The following TBC1D17 variants were observed in gnomAD, a reference collection of about 807,000 sequenced individuals.
TBC1D17 encodes the protein TBC1 domain family, member 17.
Under a neutral mutation model 78.8 loss-of-function variants are expected in TBC1D17, and 69 were observed. The observed-to-expected ratio is 0.88, with a 90% confidence interval of 0.72 to 1.07. The LOEUF (loss-of-function observed/expected upper bound fraction) is 1.07, where lower values mean the gene tolerates loss of function less well. Ranked by LOEUF, TBC1D17 falls within the 50% of genes least tolerant of loss-of-function variation. The pLI is 0.00. For synonymous variants in TBC1D17, 456 were observed against 358.3 expected, an observed-to-expected ratio of 1.27 and a Z score of -3.08; for missense variants, 957 against 861.0, an observed-to-expected ratio of 1.11 and a Z score of -1.39.
At chr19:49,887,428 C>T in intron 13 of TBC1D17, 48 bp from the exon 14 acceptor site, 1 of 1,575,832 alleles carries the variant, frequency 6.3e-7, no homozygotes, top group South Asian at 1.1e-5. Flanking sequence ...CTCAAACTCT[C>T]AGTCCCAGCG....
Position 49,888,588 on chromosome 19 carries a change from C to A in TBC1D17, c.1911C>A (p.Ile637=). The part of the protein sequence containing the change: ...TAPQPDSSLE[I]LPEEEDEGAD... ...CGCAGCCCGACAGCAGCCTGGAGAT[C>A]CTGCCCGAGGAGGAGGACGAGGGCG... The change falls in exon 17 of 17, where the codon ATC becomes ATA. Residue 637 remains isoleucine (I), a synonymous_variant. Transcript: ENST00000221543. The A allele has an allele frequency of 6.8e-7, 1 of 1,478,092 alleles. No individual in the cohort carries two copies. Among genetic ancestry groups the A allele is most frequent in the Non-Finnish European group, 9.0e-7 (1 of 1,108,216 alleles). 91.6% of individuals were successfully genotyped at this position (1,478,092 alleles called of 1,614,324 possible). A position where few individuals can be genotyped will look rare whatever the true frequency, so the allele number is the denominator to read the frequency against.
Position 49,882,893 on chromosome 19 carries a change from G to T in TBC1D17, c.927+1G>T, listed in dbSNP as rs200802990. 156 of 1,605,332 alleles carry T rather than the reference G, an allele frequency of 9.7e-5. No homozygotes were observed. Among genetic ancestry groups the T allele is most frequent in the Non-Finnish European group, 1.3e-4 (152 of 1,176,388 alleles). ...GCTGAAGAACCGGATCTTCTCGGGG[G>T]TGAGTGCCAGGACAGGTGGAAGAAT... On this transcript the variant is annotated splice_donor_variant, in intron 8 of 16. Coordinates refer to ENST00000221543, the MANE Select transcript of TBC1D17 (RefSeq NM_024682.3). LOFTEE classifies it high-confidence loss of function.
At chr19:49,884,125 C>T (rs1666745325) in intron 10 of TBC1D17, 128 bp from the exon 11 acceptor site, 4 of 822,440 alleles carry the variant, frequency 4.9e-6, no homozygotes, top group Admixed American at 2.1e-5. Flanking sequence ...AGCTCTGCTT[C>T]TCCCCCAGAG....
chr19:49,881,984 C>A, intron 5 of TBC1D17, 57 bp from the exon 6 acceptor site: 1 of 1,458,772 alleles, frequency 6.9e-7, no homozygotes, highest in Non-Finnish European at 9.6e-7. Context: ...GCACAGACAG[C>A]CTGGGACACT....
chr19:49,880,427 G>A (rs2075003237), intron 4 of TBC1D17, 25 bp downstream of exon 4: 1 of 1,611,630 alleles, frequency 6.2e-7, no homozygotes, highest in East Asian at 2.2e-5. Context: ...CGGCCCTTGA[G>A]AAGCACGTGT....
intron 12 of TBC1D17, 36 bp downstream of exon 12, chr19:49,884,595 C>A (rs777130292): frequency 6.2e-7 from 1 of 1,613,448 alleles, no homozygotes; most frequent in Non-Finnish European, 8.5e-7. Context: ...ACAGGCCTAT[C>A]GAGCGATCAG....
Position 49,881,362 on chromosome 19 carries a change from G to A in TBC1D17, c.414G>A (p.Trp138Ter). Residue 138 changes from tryptophan to a stop codon, truncating the protein, a stop_gained, in exon 5 of 17, where the codon TGG becomes TGA. Coordinates refer to ENST00000221543, the MANE Select transcript of TBC1D17 (RefSeq NM_024682.3). LOFTEE classifies it high-confidence loss of function. ...SIRRSKPGLS[W>*]AYLVLVTQAG... The stretch of plus-strand genomic sequence containing the variant: ...GCCGCTCCAAGCCAGGCCTCAGCTG[G>A]GCCTACCTGGTTCTGGTGACCCAGG... 1 of 1,613,348 alleles carries A rather than the reference G, an allele frequency of 6.2e-7. No individual in the cohort carries two copies. The highest frequency in any genetic ancestry group is 8.5e-7 in the Non-Finnish European group (1 of 1,180,002).
Position 49,880,379 on chromosome 19 carries a change from T to C in TBC1D17, c.296T>C (p.Leu99Pro), listed in dbSNP as rs3745486. ...GTCATCAGCACTGTGCGGCCACAGCTCTGCCACTCAGAGCCCACGAGAGGT... is the reference window on the plus strand; with the variant it reads ...GTCATCAGCACTGTGCGGCCACAGCCCTGCCACTCAGAGCCCACGAGAGGT... ...WAVISTVRPQ[L>P]CHSEPTRGAE... Residue 99 changes from leucine (L) to proline (P), a missense_variant, in exon 4 of 17, where the codon CTC becomes CCC. Physicochemically the swap from Leu to Pro is moderately conservative, Grantham distance 98 (BLOSUM62 -3). Transcript: ENST00000221543. The C allele has an allele frequency of 0.45, 727,284 of 1,613,284 alleles. 168,191 individuals are homozygous for C. Among genetic ancestry groups the C allele is most frequent in the African/African-American group, 0.67 (50,078 of 74,968 alleles).
At position 49,884,444 on chromosome 19, in the gene TBC1D17, C is replaced by T. The variant is rs2075041918; in HGVS notation, c.1244-15C>T. 1 of 1,613,828 alleles carries T rather than the reference C, an allele frequency of 6.2e-7. No individual in the cohort carries two copies. The highest frequency in any genetic ancestry group is 8.5e-7 in the Non-Finnish European group (1 of 1,179,872). ...GCTGCGGGCTTGGCTGCAGCCTGAC[C>T]CCATGTCCCCCCAGGCTACGTCCAG... On this transcript the variant is annotated splice_polypyrimidine_tract_variant and intron_variant, in intron 11 of 16. Transcript: ENST00000221543.
At chr19:49,881,705 C>G (rs952432226) in intron 5 of TBC1D17, among the ~76,000 whole-genome samples, 1 of 152,352 alleles carries the variant, frequency 6.6e-6, no homozygotes, top group South Asian at 2.1e-4. Flanking sequence ...TCGTTATTCT[C>G]TGGGGCCCCA....
intron 3 of TBC1D17, among the ~76,000 whole-genome samples, chr19:49,879,741 T>C (rs2074994418): frequency 6.6e-6 from 1 of 151,856 alleles, no homozygotes; most frequent in South Asian, 2.1e-4. Flanking sequence ...CAGAGCCACC[T>C]GCTGTGTAGC....
intron 4 of TBC1D17, among the ~76,000 whole-genome samples, chr19:49,880,913 C>A (rs572648962): frequency 3.2e-4 from 49 of 152,268 alleles, no homozygotes; most frequent in African/African-American, 1.1e-3. Flanking sequence ...TTTAGGGAGC[C>A]GCTGGCCTTT....
intron 2 of TBC1D17, 24 bp downstream of exon 2, chr19:49,878,265 C>T: frequency 6.5e-7 from 1 of 1,547,622 alleles, no homozygotes; most frequent in African/African-American, 1.4e-5. Context: ...GAGCAGGGCT[C>T]GGACCCGCTC....
intron 3 of TBC1D17, chr19:49,879,383 C>G (rs1314516128): frequency 6.6e-6 from 1 of 152,272 alleles, no homozygotes; most frequent in Non-Finnish European, 1.5e-5. Context: ...GCTGAGCTGA[C>G]CACCTGCGCT....
chr19:49,888,345 C>T (rs777130408), intron 16 of TBC1D17, 28 bp downstream of exon 16: 5 of 1,545,738 alleles, frequency 3.2e-6, no homozygotes, highest in Non-Finnish European at 4.4e-6. Context: ...CCGCAGCGCC[C>T]CGCCCGAACC....
chr19:49,883,172 C>A, intron 9 of TBC1D17, 96 bp downstream of exon 9: 1 of 1,137,306 alleles, frequency 8.8e-7, no homozygotes, highest in Non-Finnish European at 1.3e-6. Context: ...TGTGAACCTG[C>A]TGTATCTGGG....
intron 1 of TBC1D17, 144 bp from the exon 2 acceptor site, chr19:49,877,999 C>T (rs2074972515): frequency 1.3e-6 from 1 of 780,782 alleles, no homozygotes; most frequent in Non-Finnish European, 2.0e-6. Flanking sequence ...GCGGGCTGGA[C>T]CATTCTCCCC....
intron 5 of TBC1D17, 111 bp from the exon 6 acceptor site, chr19:49,881,930 C>T (rs1317287760): frequency 5.4e-6 from 5 of 921,224 alleles, no homozygotes; most frequent in Non-Finnish European, 5.2e-6. Context: ...GAGGGGTTGC[C>T]CAGGGGTGGT....
rs1047586295 is a variant in TBC1D17, at chr19:49,887,871, G to A, written c.1659+37G>A. On this transcript the variant is annotated intron_variant, in intron 15 of 16. Transcript: ENST00000221543. ...GCCCCGCCCCCGCCCTGTCCCCCCT[G>A]AGCTGGGCGCTGCCCAGGGCCGCAG... 3 of 1,536,794 alleles carry A rather than the reference G, an allele frequency of 2.0e-6. No individual in the cohort carries two copies. In the African/African-American group the frequency reaches 4.1e-5, roughly 21 times the overall value.
Sources: gnomAD v4.1 joint callset for allele counts (sites outside exome capture counted in the v4.1 genomes callset) on GRCh38, gnomAD v4.1.1 for gene constraint, MANE v1.5 for transcripts, NCBI Gene and HGNC (gene_info 2026-07-23, HGNC 2026-07-21) for gene names.